The following DOCK4 variants were observed in gnomAD, a reference collection of about 807,000 sequenced individuals.
DOCK4 encodes the protein dedicator of cytokinesis 4, also known as dedicator of cytokinesis protein 4.
Under a neutral mutation model 268.1 loss-of-function variants are expected in DOCK4, and 97 were observed. The ratio of observed to expected loss-of-function variants is 0.36; its 90% CI spans 0.31 to 0.43. DOCK4 has a LOEUF of 0.43. Among genes scored for constraint, DOCK4 ranks in the 20% least tolerant of loss-of-function variants. DOCK4 has a pLI of 1.00. For synonymous variants in DOCK4, 954 were observed against 887.2 expected (o/e 1.08, Z -1.34); for missense variants, 2,145 against 2,455.7 (o/e 0.87, Z 2.67).
At chr7:111,848,473 G>C (rs921597738) in intron 23 of DOCK4, among the ~76,000 whole-genome samples, 3 of 152,116 alleles carry the variant, frequency 2.0e-5, no homozygotes, top group African/African-American at 7.2e-5. Flanking sequence ...TTATTTCTCT[G>C]AATGTTCTCT....
chr7:112,187,494 T>C (rs1819577708), intron 1 of DOCK4, among the ~76,000 whole-genome samples: 1 of 152,212 alleles, frequency 6.6e-6, no homozygotes. Flanking sequence ...GAAGGAACAC[T>C]TTCTTGCTCT....
chr7:112,019,696 T>G (rs1052107337), intron 1 of DOCK4, among the ~76,000 whole-genome samples: 2 of 152,216 alleles, frequency 1.3e-5, no homozygotes, highest in African/African-American at 4.8e-5. Flanking sequence ...TCTTTACCTC[T>G]TATAGCTAAA....
intron 1 of DOCK4, among the ~76,000 whole-genome samples, chr7:112,169,530 G>A (rs754615898): frequency 6.6e-6 from 1 of 152,106 alleles, no homozygotes; most frequent in Admixed American, 6.5e-5. Context: ...ATGAGGGTGG[G>A]GGAATTATAA....
intron 12 of DOCK4, among the ~76,000 whole-genome samples, chr7:111,928,833 C>T (rs1053151670): frequency 7.9e-5 from 12 of 152,146 alleles, no homozygotes; most frequent in South Asian, 2.1e-4. Context: ...AAGTGATCCA[C>T]GGACCTCGGC....
intron 16 of DOCK4, among the ~76,000 whole-genome samples, chr7:111,889,690 T>C (rs1488930174): frequency 6.6e-6 from 1 of 152,166 alleles, no homozygotes; most frequent in African/African-American, 2.4e-5. Flanking sequence ...AAAGGGTTTA[T>C]GGACAAATTT....
intron 1 of DOCK4, among the ~76,000 whole-genome samples, chr7:112,030,913 A>G (rs1157384933): frequency 6.6e-6 from 1 of 152,232 alleles, no homozygotes; most frequent in Non-Finnish European, 1.5e-5. Flanking sequence ...ATACTCAGGA[A>G]GAGGTGCAAT....
chr7:112,146,129 G>C (rs1316276548), intron 1 of DOCK4, among the ~76,000 whole-genome samples: 1 of 152,164 alleles, frequency 6.6e-6, no homozygotes, highest in Non-Finnish European at 1.5e-5. Context: ...GGTTTTTGTA[G>C]CAAGAACCTG....
intron 26 of DOCK4, among the ~76,000 whole-genome samples, chr7:111,832,845 A>G (rs569291486): frequency 1.8e-4 from 28 of 152,254 alleles, no homozygotes; most frequent in Non-Finnish European, 2.9e-4. Flanking sequence ...AAAGAGGGTA[A>G]TATAATTGTC....
chr7:111,963,088 T>C (rs1391670916), intron 8 of DOCK4, among the ~76,000 whole-genome samples: 1 of 152,162 alleles, frequency 6.6e-6, no homozygotes, highest in Non-Finnish European at 1.5e-5. Flanking sequence ...CTTTAACCGA[T>C]GAAGCCCTAG....
In DOCK4 at chr7:111,790,560, A is replaced by T; in HGVS notation, c.3212T>A (p.Leu1071Gln). 1 of 1,613,960 alleles carries T rather than the reference A, an allele frequency of 6.2e-7. No homozygotes were observed. The highest frequency in any genetic ancestry group is 8.5e-7 in the Non-Finnish European group (1 of 1,179,856). Residue 1071 changes from leucine to glutamine, a missense_variant, in exon 31 of 53, where the codon CTA becomes CAA. Leu to Gln is a moderately radical substitution (Grantham distance 113). This residue lies in a region of DOCK4 where 1,598 missense variants were observed against 1,986.7 expected (regional missense o/e 0.80). Transcript: ENST00000428084. ...HFIPALIGPF[L>Q]EVTLIPQPDL... ...TGGCTGGGGTATCAAGGTCACTTCT[A>T]GGAAGGGGCCAATCAGGGCAGGGAT...
chr7:112,119,908 C>T (rs960082918), intron 1 of DOCK4, among the ~76,000 whole-genome samples: 2 of 150,516 alleles, frequency 1.3e-5, no homozygotes, highest in Non-Finnish European at 1.5e-5. Context: ...AGTGCAGTGG[C>T]GCGATCTCGG....
intron 1 of DOCK4, among the ~76,000 whole-genome samples, chr7:112,107,733 G>A (rs548205521): frequency 6.6e-6 from 1 of 152,202 alleles, no homozygotes; most frequent in Middle Eastern, 3.2e-3. Flanking sequence ...GAATTCTGAA[G>A]AGTGAAGGTC....
At chr7:111,791,319 A>G (rs1050925032) in intron 30 of DOCK4, among the ~76,000 whole-genome samples, 6 of 151,028 alleles carry the variant, frequency 4.0e-5, no homozygotes, top group Non-Finnish European at 7.4e-5. Context: ...ATCTTAGTCT[A>G]GAGTATTATA....
intron 1 of DOCK4, among the ~76,000 whole-genome samples, chr7:112,156,636 C>T (rs919994665): frequency 1.3e-5 from 2 of 152,094 alleles, no homozygotes; most frequent in Non-Finnish European, 2.9e-5. Context: ...TGTAAGGAGG[C>T]GCTACCCAGC....
At chr7:111,953,642 T>A (rs970162453) in intron 8 of DOCK4, 1 of 152,236 alleles carries the variant, frequency 6.6e-6, no homozygotes, top group Non-Finnish European at 1.5e-5. Flanking sequence ...AGGCAATGCA[T>A]AGATTTACAA....
chr7:112,155,145 C>T (rs1816496400), intron 1 of DOCK4, among the ~76,000 whole-genome samples: 2 of 152,090 alleles, frequency 1.3e-5, no homozygotes, highest in African/African-American at 2.4e-5. Context: ...AGCAGCATAG[C>T]GCTTTTTCTT....
At chr7:111,810,032 G>A (rs1800978383) in intron 28 of DOCK4, among the ~76,000 whole-genome samples, 1 of 149,370 alleles carries the variant, frequency 6.7e-6, no homozygotes, top group African/African-American at 2.5e-5. Flanking sequence ...CTTCTCCACT[G>A]ACACCATGTA....
chr7:111,923,481 T>A (rs1793329306), intron 12 of DOCK4, among the ~76,000 whole-genome samples: 1 of 152,228 alleles, frequency 6.6e-6, no homozygotes, highest in South Asian at 2.1e-4. Context: ...GGTTTTGTCT[T>A]TGGTGTTCTG....
chr7:111,945,880 A>T, intron 8 of DOCK4, 82 bp from the exon 9 acceptor site: 1 of 1,022,782 alleles, frequency 9.8e-7, no homozygotes, highest in Non-Finnish European at 1.5e-6. Flanking sequence ...CTTCATCACA[A>T]CAGGTAAGCT....
Sources: gnomAD v4.1 joint callset for allele counts (sites outside exome capture counted in the v4.1 genomes callset) on GRCh38, gnomAD v4.1.1 for gene constraint, gnomAD v4.1.1 regional missense constraint, MANE v1.5 for transcripts, NCBI Gene and HGNC (gene_info 2026-07-23, HGNC 2026-07-21) for gene names.